The following NSRP1 variants were observed in gnomAD, a reference collection of about 807,000 sequenced individuals.
NSRP1 encodes coiled-coil domain containing 55.
A neutral mutation model predicts 54.7 loss-of-function variants in NSRP1; 24 were observed. The observed-to-expected ratio is 0.44, with a 90% confidence interval of 0.32 to 0.62. NSRP1 has a LOEUF of 0.62. NSRP1 is among the 20% of genes least tolerant of loss of function. NSRP1 has a pLI of 0.06. For missense variants in NSRP1, 596 were observed against 651.2 expected, an observed-to-expected ratio of 0.92 and a Z score of 0.92; for synonymous variants, 210 against 213.8, an observed-to-expected ratio of 0.98 and a Z score of 0.15.
chr17:30,151,334 A>G (rs1597607838), intron 2 of NSRP1, among the ~76,000 whole-genome samples: 1 of 152,134 alleles, frequency 6.6e-6, no homozygotes, highest in Admixed American at 6.6e-5. Flanking sequence ...TGCAGCTGAA[A>G]ACTTTTGACT....
intron 5 of NSRP1, among the ~76,000 whole-genome samples, chr17:30,179,930 A>C (rs1331667342): frequency 6.6e-6 from 1 of 151,586 alleles, no homozygotes; most frequent in Non-Finnish European, 1.5e-5. Flanking sequence ...CTGACCTCCC[A>C]GGCTCCAGTG....
intron 2 of NSRP1, among the ~76,000 whole-genome samples, chr17:30,172,014 T>TCTCTCTCTCTCACACA (rs144705088): frequency 2.1e-4 from 27 of 131,172 alleles, no homozygotes; most frequent in East Asian, 1.5e-3. Context: ...TCTCTCTCTC[T>TCTCTCTCTCTCACACA]CACATGTTCA....
intron 3 of NSRP1, among the ~76,000 whole-genome samples, chr17:30,176,604 C>T (rs1312566562): frequency 4.1e-5 from 5 of 121,360 alleles, no homozygotes; most frequent in Non-Finnish European, 7.0e-5. Flanking sequence ...TGCAAGACTT[C>T]GTCCCCCCCC....
At chr17:30,118,453 T>G (rs2071564091) in intron 2 of NSRP1, among the ~76,000 whole-genome samples, 2 of 152,248 alleles carry the variant, frequency 1.3e-5, no homozygotes, top group African/African-American at 4.8e-5. Flanking sequence ...TCCCTAGGTA[T>G]GAGTTATTAA....
At chr17:30,181,065 C>A in intron 6 of NSRP1, 49 bp downstream of exon 6, 1 of 1,154,124 alleles carries the variant, frequency 8.7e-7, no homozygotes, top group African/African-American at 1.5e-5. Flanking sequence ...TGTTAATAAT[C>A]TGTGGTTGTG....
At chr17:30,160,908 T>G (rs1332350636) in intron 2 of NSRP1, among the ~76,000 whole-genome samples, 1 of 152,208 alleles carries the variant, frequency 6.6e-6, no homozygotes, top group African/African-American at 2.4e-5. Context: ...GAAGCTAAAA[T>G]TTCAGAAGCT....
intron 2 of NSRP1, among the ~76,000 whole-genome samples, chr17:30,134,219 T>G (rs2071728139): frequency 1.3e-5 from 2 of 152,226 alleles, no homozygotes. Context: ...AGTTACCCAT[T>G]TTATCTGGGC....
chr17:30,151,322 C>A (rs764476435), intron 2 of NSRP1, among the ~76,000 whole-genome samples: 1 of 152,076 alleles, frequency 6.6e-6, no homozygotes, highest in Non-Finnish European at 1.5e-5. Flanking sequence ...TACCAACACC[C>A]GTGCAGCTGA....
chr17:30,121,357 A>G (rs1235358201), intron 2 of NSRP1, among the ~76,000 whole-genome samples: 1 of 151,842 alleles, frequency 6.6e-6, no homozygotes, highest in Admixed American at 6.6e-5. Flanking sequence ...GTCATTGGGA[A>G]TTAATGGGGA....
intron 5 of NSRP1, 67 bp from the exon 6 acceptor site, chr17:30,180,841 T>C: frequency 2.1e-6 from 2 of 932,266 alleles, no homozygotes; most frequent in Middle Eastern, 7.1e-4. Context: ...ATATACTGTA[T>C]GTCTGTAAAA....
rs1269756912 is a variant in NSRP1 at position 30,155,851 on chromosome 17, A to T, written c.115-16691A>T. On this transcript the variant is annotated intron_variant, in intron 2 of 6. Transcript: ENST00000247026. ...TTAATTTTATTTTATTTATTTATTT[A>T]TTTTTTGAGATGGAGTCTCAGTCTG... is the stretch of plus-strand genomic sequence containing the variant. 4.0e-5 allele frequency among the ~76,000 whole-genome samples: 6 copies of T among 151,146 alleles called. No individual in the cohort carries two copies. The East Asian group carries it at 5.9e-4, about 15-fold the overall frequency.
chr17:30,116,906 C>T, intron 1 of NSRP1, 43 bp downstream of exon 1: 2 of 1,558,546 alleles, frequency 1.3e-6, no homozygotes, highest in African/African-American at 1.4e-5. Flanking sequence ...GGATGAGAAA[C>T]TACGGCGACT....
intron 2 of NSRP1, among the ~76,000 whole-genome samples, chr17:30,135,231 G>A (rs1014041058): frequency 7.2e-5 from 11 of 151,910 alleles, no homozygotes; most frequent in East Asian, 1.9e-4. Flanking sequence ...CGATCCTCCC[G>A]TTTCAGCCTG....
chr17:30,143,890 A>G (rs1227622321), intron 2 of NSRP1, among the ~76,000 whole-genome samples: 1 of 152,146 alleles, frequency 6.6e-6, no homozygotes, highest in African/African-American at 2.4e-5. Context: ...ATTCTCCATG[A>G]TGTGCTTATT....
At position 30,186,285 on chromosome 17, in the gene NSRP1, A is replaced by C. The variant is rs1431935890; in HGVS notation, c.*611A>C. 6.6e-6 allele frequency: 1 copy of C among 152,328 alleles called. No homozygotes were observed. Among genetic ancestry groups the C allele is most frequent in the East Asian group, 1.9e-4 (1 of 5,192 alleles). 9.4% of individuals were successfully genotyped at this position (152,328 alleles called of 1,614,324 possible). A position where few individuals can be genotyped will look rare whatever the true frequency, so the allele number is the denominator to read the frequency against. ...GTCTCTAAAAAATTTTTTTTAAATA[A>C]ATAATTTAACTCTTCTAATAATGTT... On this transcript the variant is annotated 3_prime_UTR_variant, in exon 7 of 7. Transcript: ENST00000247026.
At chr17:30,160,927 G>C (rs1167706432) in intron 2 of NSRP1, among the ~76,000 whole-genome samples, 2 of 152,154 alleles carry the variant, frequency 1.3e-5, no homozygotes, top group South Asian at 4.1e-4. Flanking sequence ...CTGCTAAGGG[G>C]CTTTGTTAGG....
intron 2 of NSRP1, 22 bp from the exon 3 acceptor site, chr17:30,172,520 A>G: frequency 1.3e-6 from 2 of 1,582,742 alleles, no homozygotes; most frequent in Non-Finnish European, 8.6e-7. Context: ...TTAAAAAGTG[A>G]CAATATATTT....
chr17:30,140,290 A>T (rs1483836796), intron 2 of NSRP1, among the ~76,000 whole-genome samples: 2 of 152,108 alleles, frequency 1.3e-5, no homozygotes, highest in East Asian at 3.8e-4. Flanking sequence ...ATAACTTAAA[A>T]TTTTCTCTTG....
chr17:30,133,838 A>G (rs1457847326), intron 2 of NSRP1, among the ~76,000 whole-genome samples: 3 of 152,234 alleles, frequency 2.0e-5, no homozygotes, highest in African/African-American at 7.2e-5. Context: ...CATATCAGCA[A>G]TAAGGCTGTT....
Sources: allele counts gnomAD v4.1 joint callset (sites outside exome capture counted in the v4.1 genomes callset), GRCh38; gene constraint gnomAD v4.1.1; transcripts MANE v1.5; gene names NCBI Gene and HGNC (gene_info 2026-07-23, HGNC 2026-07-21).